Variants in RBFOX2 observed in about 807,000 individuals in gnomAD.
RBFOX2 encodes RNA binding fox-1 homolog 2, also known as RNA binding protein fox-1 homolog 2.
In RBFOX2, 10 loss-of-function variants were observed where a neutral mutation model predicts 49.1. The observed-to-expected ratio is 0.20, with a 90% CI of 0.13 to 0.35. The LOEUF (loss-of-function observed/expected upper bound fraction) is 0.35, where lower values mean the gene tolerates loss of function less well. Ranked by LOEUF, RBFOX2 falls within the 10% of genes least tolerant of loss-of-function variation. The pLI is 1.00. For missense variants in RBFOX2, 323 were observed against 486.9 expected (o/e 0.66, Z 3.17); for synonymous variants, 183 against 187.4 (o/e 0.98, Z 0.19).
At chr22:35,752,610 T>C in intron 9 of RBFOX2, 1 of 982,232 alleles carries the variant, frequency 1.0e-6, no homozygotes, top group Non-Finnish European at 1.2e-6. Flanking sequence ...CTGGCACTCC[T>C]ACCTGAGGTA....
chr22:35,949,689 C>T (rs1348391060), intron 1 of RBFOX2, among the ~76,000 whole-genome samples: 2 of 152,098 alleles, frequency 1.3e-5, no homozygotes, highest in East Asian at 1.9e-4. Flanking sequence ...TTTTCATGTG[C>T]TTATTGACCA....
chr22:35,821,793 G>A (rs751684667), intron 1 of RBFOX2: 10 of 518,606 alleles, frequency 1.9e-5, no homozygotes, highest in Non-Finnish European at 3.8e-5. Flanking sequence ...GTACACACCT[G>A]ATCTACCCAT....
At chr22:35,809,473 T>C (rs972760572) in intron 2 of RBFOX2, among the ~76,000 whole-genome samples, 4 of 151,916 alleles carry the variant, frequency 2.6e-5, no homozygotes, top group African/African-American at 9.7e-5. Flanking sequence ...GGATATAAAA[T>C]AAAAAGAAAA....
chr22:35,757,956 A>C (rs1312255152), intron 9 of RBFOX2, among the ~76,000 whole-genome samples: 1 of 152,196 alleles, frequency 6.6e-6, no homozygotes, highest in Non-Finnish European at 1.5e-5. Flanking sequence ...AAAAACACGA[A>C]TACATTTTAC....
chr22:35,751,470 CAGAGATCTATTCCAACTAGCG>C (rs946326537), intron 9 of RBFOX2, among the ~76,000 whole-genome samples: 3 of 152,150 alleles, frequency 2.0e-5, no homozygotes, highest in Non-Finnish European at 4.4e-5. Context: ...TACAGCAGAG[CAGAGATCTATTCCAACTAGCG>C]TGGGTTTAAT....
intron 1 of RBFOX2, among the ~76,000 whole-genome samples, chr22:35,988,468 G>T (rs1294267989): frequency 6.6e-6 from 1 of 152,178 alleles, no homozygotes; most frequent in African/African-American, 2.4e-5. Flanking sequence ...AGTACAAGGT[G>T]CTATGAAAGC....
chr22:35,845,332 T>G (rs1421258879), upstream of RBFOX2, among the ~76,000 whole-genome samples: 1 of 151,982 alleles, frequency 6.6e-6, no homozygotes, highest in Non-Finnish European at 1.5e-5. Context: ...CTAACTCTAT[T>G]ATTTCCCTAA....
At chr22:35,960,656 C>CT (rs1404125720) in intron 1 of RBFOX2, among the ~76,000 whole-genome samples, 9 of 152,172 alleles carry the variant, frequency 5.9e-5, no homozygotes, top group Admixed American at 1.3e-4. Context: ...AAACCCATGA[C>CT]TTTAAGTATC....
chr22:35,890,867 T>C (rs1033399662), intron 1 of RBFOX2, among the ~76,000 whole-genome samples: 22 of 152,012 alleles, frequency 1.4e-4, no homozygotes, highest in African/African-American at 2.9e-4. Context: ...ATAAGAGCCA[T>C]AGTTTTTAAA....
chr22:36,008,351 A>G (rs915727164), intron 1 of RBFOX2, among the ~76,000 whole-genome samples: 1 of 152,138 alleles, frequency 6.6e-6, no homozygotes, highest in Non-Finnish European at 1.5e-5. Flanking sequence ...CTCCAAGCAA[A>G]AGAAGGGGGA....
chr22:35,955,701 G>C (rs1409439561), intron 1 of RBFOX2, among the ~76,000 whole-genome samples: 1 of 152,154 alleles, frequency 6.6e-6, no homozygotes, highest in Non-Finnish European at 1.5e-5. Flanking sequence ...GATCTGATAG[G>C]ATGTGGTGCT....
chr22:35,904,849 A>C (rs1015263316), intron 1 of RBFOX2, among the ~76,000 whole-genome samples: 6 of 152,224 alleles, frequency 3.9e-5, no homozygotes, highest in African/African-American at 1.4e-4. Context: ...ATTTAACTTA[A>C]TTAAAATTAA....
intron 1 of RBFOX2, among the ~76,000 whole-genome samples, chr22:35,868,615 C>A (rs1411226619): frequency 6.6e-6 from 1 of 151,946 alleles, no homozygotes; most frequent in Non-Finnish European, 1.5e-5. Flanking sequence ...AAAAACTAGC[C>A]AGGTGTGGTG....
chr22:35,755,081 A>G (rs1936463721), intron 9 of RBFOX2, among the ~76,000 whole-genome samples: 1 of 152,212 alleles, frequency 6.6e-6, no homozygotes, highest in Non-Finnish European at 1.5e-5. Context: ...TAGACTGTGG[A>G]AACAGTTCAC....
At chr22:36,028,326 C>T in exon 1 of RBFOX2, 1 of 1,505,122 alleles carries the variant, frequency 6.6e-7, no homozygotes, top group Admixed American at 2.0e-5. Flanking sequence ...CCTCCCGCTC[C>T]GGGCACCGGC....
At chr22:35,765,599 G>T in intron 5 of RBFOX2, 116 bp from the exon 7 acceptor site, 1 of 490,238 alleles carries the variant, frequency 2.0e-6, no homozygotes, top group South Asian at 5.1e-5. Flanking sequence ...TGAGAGCAGT[G>T]ATTTAAATAA....
upstream of RBFOX2, among the ~76,000 whole-genome samples, chr22:35,964,163 G>C (rs1287065082): frequency 1.3e-5 from 2 of 152,082 alleles, no homozygotes; most frequent in East Asian, 1.9e-4. Flanking sequence ...TTCTAACCCA[G>C]ATCTGTTTGG....
intron 1 of RBFOX2, among the ~76,000 whole-genome samples, chr22:35,901,278 G>GA (rs796861209): frequency 2.2e-4 from 34 of 151,894 alleles, no homozygotes; most frequent in South Asian, 1.7e-3. Context: ...ATCAAGACTG[G>GA]AAAAAAAATC....
At chr22:35,888,888 CT>C (rs2046918140) in intron 1 of RBFOX2, among the ~76,000 whole-genome samples, 1 of 152,204 alleles carries the variant, frequency 6.6e-6, no homozygotes, top group Non-Finnish European at 1.5e-5. Context: ...GGCACACTGA[CT>C]AAGTCCTGTA....
Sources: allele counts gnomAD v4.1 joint callset (sites outside exome capture counted in the v4.1 genomes callset), GRCh38; gene constraint gnomAD v4.1.1; transcripts MANE v1.5; gene names NCBI Gene and HGNC (gene_info 2026-07-23, HGNC 2026-07-21).